The following CMSS1 variants were observed in gnomAD, a reference collection of about 807,000 sequenced individuals.
CMSS1 encodes protein CMSS1.
A neutral mutation model predicts 43.5 loss-of-function variants in CMSS1; 33 were observed. That is an observed-to-expected ratio of 0.76 (90% CI 0.57 to 1.01). CMSS1 has a LOEUF of 1.01. Ranked by LOEUF, CMSS1 falls within the 50% of genes least tolerant of loss-of-function variation. The pLI is 0.00. For missense variants in CMSS1, 313 were observed against 326.4 expected (o/e 0.96, Z 0.32); for synonymous variants, 115 against 117.2 (o/e 0.98, Z 0.12).
intron 1 of CMSS1, chr3:100,109,903 A>ACCGCCCCCCCCCCCCC (rs1491348077): frequency 1.4e-5 from 1 of 72,322 alleles, no homozygotes; most frequent in Admixed American, 1.6e-4. Context: ...TTCTTTTATG[A>ACCGCCCCCCCCCCCCC]CCCCCCCCCC....
At position 100,076,581 on chromosome 3, in the gene CMSS1, C is replaced by T. The variant is rs74593333; in HGVS notation, c.65-70392C>T. Among the ~76,000 whole-genome samples, 573 of 152,268 alleles carry T rather than the reference C, an allele frequency of 3.8e-3. 3 individuals carry two copies. Among genetic ancestry groups the T allele is most frequent in the African/African-American group, 0.013 (530 of 41,542 alleles). On this transcript the variant is annotated intron_variant, in intron 1 of 9. Coordinates refer to ENST00000421999, the MANE Select transcript of CMSS1 (RefSeq NM_032359.4). ...TCGAGGTTTCATCCCCACTGAATGT[C>T]AGTCTTCTGAGTTATTTTTTCCTGG...
chr3:100,008,813 C>T (rs1485995389), intron 1 of CMSS1, among the ~76,000 whole-genome samples: 1 of 152,132 alleles, frequency 6.6e-6, no homozygotes, highest in Non-Finnish European at 1.5e-5. Context: ...AGCATAATGT[C>T]ATCAATAAAC....
At chr3:100,110,254 G>A (rs143471633) in intron 1 of CMSS1, among the ~76,000 whole-genome samples, 63 of 152,230 alleles carry the variant, frequency 4.1e-4, no homozygotes, top group African/African-American at 1.5e-3. Context: ...GCTTCATTTA[G>A]AGATGTTAGG....
chr3:99,849,119 TA>T, intron 1 of CMSS1: 1 of 1,614,128 alleles, frequency 6.2e-7, no homozygotes, highest in South Asian at 1.1e-5. Flanking sequence ...GGACATGGAG[TA>T]GACTGGCTGC....
At chr3:100,014,348 C>T (rs990353973) in intron 1 of CMSS1, among the ~76,000 whole-genome samples, 2 of 151,916 alleles carry the variant, frequency 1.3e-5, no homozygotes, top group Admixed American at 6.6e-5. Flanking sequence ...TTTCTTTTGG[C>T]TATATACCCA....
At chr3:100,159,272 C>G (rs9289985) in intron 2 of CMSS1, among the ~76,000 whole-genome samples, 21,401 of 152,208 alleles carry the variant, frequency 0.14, 1,878 homozygotes, top group South Asian at 0.22. Flanking sequence ...TTTCCCATGT[C>G]ACTTTAATCC....
At chr3:99,851,222 A>G in intron 1 of CMSS1, 1 of 596,890 alleles carries the variant, frequency 1.7e-6, no homozygotes, top group East Asian at 3.2e-5. Flanking sequence ...ATTTGATGAC[A>G]GAGGAAAATC....
At chr3:99,976,631 A>G (rs1236087427) in intron 1 of CMSS1, among the ~76,000 whole-genome samples, 1 of 152,128 alleles carries the variant, frequency 6.6e-6, no homozygotes, top group Non-Finnish European at 1.5e-5. Context: ...GTTCCTCTGC[A>G]TATGCATCTT....
chr3:99,985,372 A>G (rs1297588790), intron 1 of CMSS1, among the ~76,000 whole-genome samples: 1 of 152,044 alleles, frequency 6.6e-6, no homozygotes, highest in Non-Finnish European at 1.5e-5. Flanking sequence ...TCTCTACAAC[A>G]AATAGAAAAA....
chr3:100,034,340 T>C (rs1165684104), intron 1 of CMSS1, among the ~76,000 whole-genome samples: 29 of 152,192 alleles, frequency 1.9e-4, no homozygotes, highest in Admixed American at 1.9e-3. Flanking sequence ...TAAGAAGTTA[T>C]TTGGTCTGTA....
chr3:100,108,536 T>C (rs1290625875), intron 1 of CMSS1, among the ~76,000 whole-genome samples: 1 of 152,166 alleles, frequency 6.6e-6, no homozygotes, highest in Non-Finnish European at 1.5e-5. Context: ...AGACATTAAA[T>C]GCATTGTGGT....
At chr3:100,073,519 C>G (rs2065796029) in intron 1 of CMSS1, among the ~76,000 whole-genome samples, 1 of 152,160 alleles carries the variant, frequency 6.6e-6, no homozygotes, top group African/African-American at 2.4e-5. Context: ...AAACAGAAAT[C>G]TTGAGGTTTT....
chr3:99,988,511 CAAAAAAAAAA>C (rs757175318), intron 1 of CMSS1, among the ~76,000 whole-genome samples: 6 of 47,896 alleles, frequency 1.3e-4, no homozygotes, highest in African/African-American at 1.4e-4. Flanking sequence ...GACTCCATCT[CAAAAAAAAAA>C]AAAAAAAAAG....
intron 1 of CMSS1, among the ~76,000 whole-genome samples, chr3:99,976,419 A>G (rs1708973584): frequency 6.6e-6 from 1 of 152,228 alleles, no homozygotes; most frequent in Non-Finnish European, 1.5e-5. Context: ...AAATTCATAG[A>G]TATCATGAAC....
intron 1 of CMSS1, among the ~76,000 whole-genome samples, chr3:100,112,341 GT>G (rs1223990750): frequency 6.6e-6 from 1 of 152,112 alleles, no homozygotes; most frequent in Non-Finnish European, 1.5e-5. Flanking sequence ...TTACATTTAG[GT>G]TTTTTGCATC....
At chr3:100,067,166 C>CGTTTGTTTGTTTGTTT (rs4062235) in intron 1 of CMSS1, among the ~76,000 whole-genome samples, 6 of 150,984 alleles carry the variant, frequency 4.0e-5, no homozygotes, top group South Asian at 4.2e-4. Flanking sequence ...TTTTTGATCT[C>CGTTTGTTTGTTTGTTT]GTTTGTTTGT....
chr3:99,887,205 C>T (rs1408874369), intron 1 of CMSS1, among the ~76,000 whole-genome samples: 1 of 151,110 alleles, frequency 6.6e-6, no homozygotes, highest in Non-Finnish European at 1.5e-5. Context: ...AGGAGGAGGT[C>T]GCGGTTAGCC....
intron 1 of CMSS1, among the ~76,000 whole-genome samples, chr3:99,916,009 C>T (rs1050917483): frequency 3.9e-5 from 6 of 152,132 alleles, no homozygotes; most frequent in Non-Finnish European, 7.4e-5. Flanking sequence ...AAGAAAGATA[C>T]GTGTAATGGT....
intron 1 of CMSS1, among the ~76,000 whole-genome samples, chr3:100,108,837 G>A (rs997899613): frequency 2.0e-5 from 3 of 152,114 alleles, no homozygotes; most frequent in African/African-American, 4.8e-5. Context: ...TGTTGTTTTT[G>A]ACAAACAGTA....
Sources: gnomAD v4.1 joint callset for allele counts (sites outside exome capture counted in the v4.1 genomes callset) on GRCh38, gnomAD v4.1.1 for gene constraint, MANE v1.5 for transcripts, NCBI Gene and HGNC (gene_info 2026-07-23, HGNC 2026-07-21) for gene names.